Variants in SLC10A2 observed in about 807,000 individuals in gnomAD.
SLC10A2 encodes ileal sodium/bile acid cotransporter.
SLC10A2 carries 34 observed loss-of-function variants against 27.1 expected under a neutral mutation model. The ratio of observed to expected loss-of-function variants is 1.26; its 90% CI spans 0.96 to 1.67. The LOEUF (loss-of-function observed/expected upper bound fraction) is 1.67. Among genes scored for constraint, SLC10A2 ranks in the 40% most tolerant of loss-of-function variants. The pLI is 0.00. For missense variants in SLC10A2, 530 were observed against 444.4 expected, an observed-to-expected ratio of 1.19 and a Z score of -1.73; for synonymous variants, 205 against 174.0, an observed-to-expected ratio of 1.18 and a Z score of -1.40.
At chr13:103,050,139 A>T (rs1342682989) in intron 4 of SLC10A2, among the ~76,000 whole-genome samples, 2 of 152,124 alleles carry the variant, frequency 1.3e-5, no homozygotes, top group South Asian at 2.1e-4. Context: ...ACAGAATGAG[A>T]CCCTGTCTCA....
chr13:103,052,841 C>G lies in SLC10A2; in HGVS notation c.497-133G>C, dbSNP rs759531094. On this transcript the variant is annotated intron_variant, in intron 2 of 5. Transcript: ENST00000245312. ...CTTCTTGAATACACAAAACAGAATA[C>G]AGAATTACACACACACACATGCACA... The G allele has an allele frequency of 1.0e-5, 7 of 697,716 alleles. No homozygotes were observed. In the Admixed American group the frequency reaches 1.4e-4, roughly 14 times the overall value. 43.2% of individuals were successfully genotyped at this position (697,716 alleles called of 1,614,324 possible).
At position 103,045,304 on chromosome 13, in the gene SLC10A2, GA is replaced by G. The variant is rs2138907979; in HGVS notation, c.*828del. 6.6e-6 allele frequency: 1 copy of G among 152,310 alleles called. No individual in the cohort carries two copies. Among genetic ancestry groups the G allele is most frequent in the East Asian group, 1.9e-4 (1 of 5,178 alleles). The allele number at this position is 152,310 out of a possible 1,614,324, so 9.4% of individuals were successfully genotyped here. ...GACTAGCTGTCATATTAGCTATGTG[GA>G]TCCACTGCACACAGGAAAACCTTGA... On this transcript the variant is annotated 3_prime_UTR_variant, in exon 6 of 6. Transcript: ENST00000245312.
intron 2 of SLC10A2, among the ~76,000 whole-genome samples, chr13:103,057,243 G>C (rs1875964953): frequency 6.6e-6 from 1 of 152,134 alleles, no homozygotes; most frequent in Non-Finnish European, 1.5e-5. Flanking sequence ...CTTGTCTTTT[G>C]TTCGTGATAG....
At chr13:103,065,531 T>C (rs943814293) in intron 1 of SLC10A2, among the ~76,000 whole-genome samples, 4 of 152,166 alleles carry the variant, frequency 2.6e-5, no homozygotes, top group Non-Finnish European at 5.9e-5. Context: ...GCTTTTTTTT[T>C]CCTGCTACCA....
chr13:103,049,210 A>T, intron 5 of SLC10A2, 79 bp downstream of exon 5: 1 of 1,452,284 alleles, frequency 6.9e-7, no homozygotes, highest in South Asian at 1.1e-5. Flanking sequence ...AGGAACGGGG[A>T]GTTTTAAAAA....
chr13:103,058,119 C>T (rs547846794), intron 2 of SLC10A2, 145 bp downstream of exon 2: 119 of 746,062 alleles, frequency 1.6e-4, no homozygotes, highest in South Asian at 6.8e-4. Flanking sequence ...ACTCTCCAAA[C>T]GCAGGGGTGA....
chr13:103,051,820 T>C (rs1875791536), intron 3 of SLC10A2, among the ~76,000 whole-genome samples: 1 of 152,212 alleles, frequency 6.6e-6, no homozygotes, highest in South Asian at 2.1e-4. Context: ...AGTTTCTTTA[T>C]TTGTAATTGG....
chr13:103,060,960 T>G (rs765633253), intron 1 of SLC10A2, among the ~76,000 whole-genome samples: 39 of 152,306 alleles, frequency 2.6e-4, no homozygotes, highest in Non-Finnish European at 4.4e-4. Context: ...CACAGTTAAA[T>G]TTGCACAGTT....
At chr13:103,047,324 A>G (rs1875641968) in intron 5 of SLC10A2, among the ~76,000 whole-genome samples, 1 of 152,138 alleles carries the variant, frequency 6.6e-6, no homozygotes, top group Non-Finnish European at 1.5e-5. Context: ...ACTTCTAGTC[A>G]TATATTATTT....
intron 2 of SLC10A2, among the ~76,000 whole-genome samples, chr13:103,056,181 C>A (rs1413650225): frequency 2.3e-4 from 35 of 152,188 alleles, no homozygotes; most frequent in Non-Finnish European, 8.8e-5. Context: ...AGTAAAATTG[C>A]CTTGCTGAGA....
At chr13:103,051,560 T>C in intron 3 of SLC10A2, 128 bp from the exon 4 acceptor site, 2 of 1,006,186 alleles carry the variant, frequency 2.0e-6, no homozygotes, top group Non-Finnish European at 3.0e-6. Flanking sequence ...TGTCTTTCTA[T>C]GTACTCCAAG....
At chr13:103,065,021 A>G (rs1396639521) in intron 1 of SLC10A2, among the ~76,000 whole-genome samples, 1 of 152,218 alleles carries the variant, frequency 6.6e-6, no homozygotes, top group Admixed American at 6.5e-5. Flanking sequence ...CACACGTTGC[A>G]TTAGCACCTG....
At chr13:103,051,700 T>C (rs1307746288) in intron 3 of SLC10A2, among the ~76,000 whole-genome samples, 2 of 152,210 alleles carry the variant, frequency 1.3e-5, no homozygotes, top group African/African-American at 4.8e-5. Context: ...AAATTATCCT[T>C]GTCAGAACAA....
chr13:103,046,841 G>C (rs1875625262), intron 5 of SLC10A2, among the ~76,000 whole-genome samples: 1 of 152,184 alleles, frequency 6.6e-6, no homozygotes, highest in South Asian at 2.1e-4. Context: ...GGTAGGCTCT[G>C]CCCTGCGAGG....
rs1179398091 is a variant in SLC10A2, at chr13:103,058,324, G to C, written c.436C>G (p.Leu146Val). 1 of 1,613,934 alleles carries C rather than the reference G, an allele frequency of 6.2e-7. No individual in the cohort carries two copies. Among genetic ancestry groups the C allele is most frequent in the African/African-American group, 1.3e-5 (1 of 75,018 alleles). The change falls in exon 2 of 6, where the codon CTT becomes GTT. Residue 146 changes from leucine to valine, a missense_variant. By Grantham distance (32) the Leu-to-Val change is conservative. Coordinates refer to ENST00000245312, the MANE Select transcript of SLC10A2 (RefSeq NM_000452.3). Reference protein sequence around the residue: ...LALGMMPLCLLIYTKMWVDSG... With the variant: ...LALGMMPLCLVIYTKMWVDSG... ...TCGACCCACATTTTGGTATAGATAA[G>C]GAGGCACAGCGGCATCATTCCGAGG...
In SLC10A2 at chr13:103,052,669, C is replaced by A; in HGVS notation, c.536G>T (p.Gly179Val). Reference protein sequence around the residue: ...LVSLVVPVSIGMFVNHKWPQK... With the variant: ...LVSLVVPVSIVMFVNHKWPQK... Reference sequence around the variant, plus strand: ...GGGCCATTTGTGATTAACAAACATTCCAATGGAAACAGGAACAACGAGAGA... The same window carrying A: ...GGGCCATTTGTGATTAACAAACATTACAATGGAAACAGGAACAACGAGAGA... Residue 179 changes from glycine to valine, a missense_variant, in exon 3 of 6, where the codon GGA becomes GTA. Physicochemically the swap from Gly to Val is moderately radical, Grantham distance 109. Coordinates refer to ENST00000245312, the MANE Select transcript of SLC10A2 (RefSeq NM_000452.3). 6.2e-7 allele frequency: 1 copy of A among 1,612,462 alleles called. No homozygotes were observed. The highest frequency in any genetic ancestry group is 8.5e-7 in the Non-Finnish European group (1 of 1,178,604).
intron 1 of SLC10A2, 108 bp from the exon 2 acceptor site, chr13:103,058,490 G>A (rs770626366): frequency 4.2e-6 from 3 of 720,734 alleles, no homozygotes; most frequent in East Asian, 5.4e-5. Context: ...AGGGGTATAT[G>A]TGCATGTTTG....
chr13:103,056,638 C>T (rs1214089264), intron 2 of SLC10A2, among the ~76,000 whole-genome samples: 1 of 152,000 alleles, frequency 6.6e-6, no homozygotes. Context: ...CTCACGTAAA[C>T]TATGGTTTTT....
intron 5 of SLC10A2, among the ~76,000 whole-genome samples, chr13:103,047,361 A>G (rs1272192171): frequency 6.6e-6 from 1 of 152,174 alleles, no homozygotes; most frequent in Non-Finnish European, 1.5e-5. Context: ...ACACTATTGA[A>G]TTTAATTGAG....
Sources: gnomAD v4.1 joint callset for allele counts (sites outside exome capture counted in the v4.1 genomes callset) on GRCh38, gnomAD v4.1.1 for gene constraint, MANE v1.5 for transcripts, NCBI Gene and HGNC (gene_info 2026-07-23, HGNC 2026-07-21) for gene names.